The following MYO1D variants were observed in gnomAD, a reference collection of about 807,000 sequenced individuals.
The protein encoded by MYO1D is unconventional myosin-Id.
A neutral mutation model predicts 122.0 loss-of-function variants in MYO1D; 83 were observed. The observed-to-expected ratio is 0.68, with a 90% CI of 0.57 to 0.82. MYO1D has a LOEUF of 0.82. Among genes scored for constraint, MYO1D ranks in the 40% least tolerant of loss-of-function variants. The pLI is 0.00. For synonymous variants in MYO1D, 464 were observed against 446.9 expected (o/e 1.04, Z -0.48); for missense variants, 1,157 against 1,269.5 (o/e 0.91, Z 1.35).
intron 16 of MYO1D, among the ~76,000 whole-genome samples, chr17:32,690,649 C>T (rs2089084691): frequency 6.6e-6 from 1 of 152,150 alleles, no homozygotes; most frequent in Admixed American, 6.5e-5. Context: ...TGATGAGTGA[C>T]CTCTTGCTCT....
intron 1 of MYO1D, among the ~76,000 whole-genome samples, chr17:32,785,232 TAGATTCACCCACTAAC>T (rs1289764033): frequency 6.6e-6 from 1 of 152,200 alleles, no homozygotes; most frequent in African/African-American, 2.4e-5. Context: ...GCGTCTAAGT[TAGATTCACCCACTAAC>T]AGAATTCAGT....
intron 20 of MYO1D, among the ~76,000 whole-genome samples, chr17:32,634,662 A>T (rs1424767449): frequency 5.3e-5 from 8 of 152,226 alleles, no homozygotes; most frequent in Non-Finnish European, 1.0e-4. Context: ...ATGATTAGAC[A>T]AACTACCAAA....
chr17:32,760,614 C>G lies in MYO1D; in HGVS notation c.1049G>C (p.Arg350Pro), dbSNP rs201688080. The G allele has an allele frequency of 1.2e-6, 2 of 1,608,174 alleles. No homozygotes were observed. The highest frequency in any genetic ancestry group is 1.7e-6 in the Non-Finnish European group (2 of 1,177,884). ...RDAFAKAIYE[R>P]LFCWIVTRIN... ...GCGAGTAACGATCCAACAAAAAAGG[C>G]GCTCATATATTGCCTGCAAGGAAAA... is the stretch of plus-strand genomic sequence containing the variant. The change falls in exon 9 of 22, where the codon CGC (arginine) becomes CCC (proline). Residue 350 changes from arginine (R) to proline (P), a missense_variant. By Grantham distance (103) the Arg-to-Pro change is moderately radical. Transcript: ENST00000318217.
intron 12 of MYO1D, among the ~76,000 whole-genome samples, chr17:32,747,132 G>A (rs754301160): frequency 8.5e-5 from 13 of 152,164 alleles, no homozygotes; most frequent in Non-Finnish European, 1.6e-4. Flanking sequence ...GACAGATGGT[G>A]TGATAATTTT....
Position 32,854,036 on chromosome 17 carries a change from T to C in MYO1D, c.95+22742A>G, listed in dbSNP as rs560296478. On this transcript the variant is annotated intron_variant, in intron 1 of 21. Coordinates refer to ENST00000318217, the MANE Select transcript of MYO1D (RefSeq NM_015194.3). ...CTTTCATAGCTACTGATTTCAAATA[T>C]AGGCAAAAATTATCTTAGTTTCCTA... 3.3e-5 allele frequency among the ~76,000 whole-genome samples: 5 copies of C among 152,318 alleles called. No homozygotes were observed. The South Asian group carries it at 8.3e-4, about 25-fold the overall frequency.
chr17:32,653,150 A>T (rs150813448), intron 19 of MYO1D, among the ~76,000 whole-genome samples: 3,420 of 152,144 alleles, frequency 0.022, 119 homozygotes, highest in African/African-American at 0.072. Context: ...TCAAAAAAAA[A>T]AAATAAATAA....
intron 7 of MYO1D, among the ~76,000 whole-genome samples, chr17:32,766,652 C>T (rs1013348142): frequency 1.3e-5 from 2 of 151,980 alleles, no homozygotes; most frequent in South Asian, 2.1e-4. Context: ...ATTAGCCAGG[C>T]GTGGTGGCAG....
Position 32,778,589 on chromosome 17 carries a change from G to T in MYO1D, c.305-16C>A. The T allele has an allele frequency of 1.9e-6, 3 of 1,588,740 alleles. No homozygotes were observed. Among genetic ancestry groups the T allele is most frequent in the Non-Finnish European group, 2.6e-6 (3 of 1,157,052 alleles). The stretch of plus-strand genomic sequence containing the variant: ...CCACTTTCCCCTGGGGGGAAAAATT[G>T]TTCAGGGCTTAACATAATAATTTAA... On this transcript the variant is annotated splice_polypyrimidine_tract_variant and intron_variant, in intron 2 of 21. Coordinates refer to ENST00000318217, the MANE Select transcript of MYO1D (RefSeq NM_015194.3).
At chr17:32,748,837 A>T in intron 12 of MYO1D, 99 bp downstream of exon 12, 1 of 1,105,948 alleles carries the variant, frequency 9.0e-7, no homozygotes, top group East Asian at 2.4e-5. Context: ...TGACCAAAAC[A>T]TGCAAATGAA....
At chr17:32,557,691 T>C (rs747845819) in intron 21 of MYO1D, among the ~76,000 whole-genome samples, 2 of 151,896 alleles carry the variant, frequency 1.3e-5, no homozygotes, top group Non-Finnish European at 2.9e-5. Flanking sequence ...TTTGCAGAGA[T>C]GGGGTTTCGC....
intron 16 of MYO1D, among the ~76,000 whole-genome samples, chr17:32,678,311 GGTTA>G (rs1219246013): frequency 9.3e-5 from 14 of 150,744 alleles, no homozygotes; most frequent in Non-Finnish European, 1.6e-4. Flanking sequence ...ACATTGTGCA[GGTTA>G]GTTACATATG....
intron 20 of MYO1D, among the ~76,000 whole-genome samples, chr17:32,622,021 G>C (rs1382720385): frequency 6.6e-6 from 1 of 152,206 alleles, no homozygotes; most frequent in African/African-American, 2.4e-5. Context: ...CACTCGGTCT[G>C]TGGTTTCTTG....
intron 20 of MYO1D, among the ~76,000 whole-genome samples, chr17:32,632,139 A>T (rs2088015956): frequency 6.6e-6 from 1 of 152,218 alleles, no homozygotes; most frequent in Non-Finnish European, 1.5e-5. Context: ...TCTCTGCTCC[A>T]TAAAGTCTAG....
chr17:32,526,379 A>G (rs925717287), intron 21 of MYO1D, among the ~76,000 whole-genome samples: 2 of 152,152 alleles, frequency 1.3e-5, no homozygotes, highest in Admixed American at 1.3e-4. Flanking sequence ...TAAGTCTTCT[A>G]TTTTAACGTA....
chr17:32,652,908 G>A (rs1034665794), intron 19 of MYO1D, among the ~76,000 whole-genome samples: 3 of 152,188 alleles, frequency 2.0e-5, no homozygotes, highest in South Asian at 2.1e-4. Context: ...CTGGGAGGCC[G>A]AGGCGGGCGG....
At chr17:32,863,608 A>T (rs2091096659) in intron 1 of MYO1D, among the ~76,000 whole-genome samples, 2 of 152,252 alleles carry the variant, frequency 1.3e-5, no homozygotes, top group Admixed American at 1.3e-4. Context: ...AAAACATTAC[A>T]AATATGACAG....
At chr17:32,716,550 G>C (rs1378773496) in intron 15 of MYO1D, among the ~76,000 whole-genome samples, 1 of 152,204 alleles carries the variant, frequency 6.6e-6, no homozygotes, top group Admixed American at 6.5e-5. Flanking sequence ...GATGGGGGCA[G>C]AGATCAAAGC....
intron 14 of MYO1D, among the ~76,000 whole-genome samples, chr17:32,727,215 T>C (rs570364085): frequency 2.0e-5 from 3 of 152,326 alleles, no homozygotes; most frequent in East Asian, 3.9e-4. Flanking sequence ...TCAGTGTCCT[T>C]GGAGCAGTCC....
intron 15 of MYO1D, among the ~76,000 whole-genome samples, chr17:32,715,868 C>T (rs2089438390): frequency 6.6e-6 from 1 of 152,048 alleles, no homozygotes; most frequent in Non-Finnish European, 1.5e-5. Context: ...CTTTCCCTGC[C>T]CTATCATGAT....
Sources: allele counts gnomAD v4.1 joint callset (sites outside exome capture counted in the v4.1 genomes callset), GRCh38; gene constraint gnomAD v4.1.1; transcripts MANE v1.5; gene names NCBI Gene and HGNC (gene_info 2026-07-23, HGNC 2026-07-21).